ALDH7A1: variants seen among roughly 807,000 people sequenced by gnomAD.
ALDH7A1 encodes the protein alpha-aminoadipic semialdehyde dehydrogenase.
A neutral mutation model predicts 79.9 loss-of-function variants in ALDH7A1; 63 were observed. The ratio of observed to expected loss-of-function variants is 0.79; its 90% confidence interval spans 0.64 to 0.97. ALDH7A1 has a LOEUF of 0.97. ALDH7A1 is among the 50% of genes least tolerant of loss of function. ALDH7A1 has a pLI of 0.00. For synonymous variants in ALDH7A1, 240 were observed against 231.2 expected, an observed-to-expected ratio of 1.04 and a Z score of -0.34; for missense variants, 627 against 665.2, an observed-to-expected ratio of 0.94 and a Z score of 0.63.
chr5:126,564,032 C>T (rs898435627), intron 9 of ALDH7A1, among the ~76,000 whole-genome samples: 1 of 152,160 alleles, frequency 6.6e-6, no homozygotes, highest in Admixed American at 6.5e-5. Context: ...AGCGATCCAC[C>T]CACCTTGACC....
intron 6 of ALDH7A1, among the ~76,000 whole-genome samples, chr5:126,576,161 G>T (rs1033753871): frequency 6.6e-5 from 10 of 151,740 alleles, no homozygotes; most frequent in Admixed American, 3.3e-4. Context: ...TACTCGGGAG[G>T]CTGAGGCAGG....
At chr5:126,584,659 C>CAAAAA (rs35736560) in intron 3 of ALDH7A1, among the ~76,000 whole-genome samples, 1 of 62,236 alleles carries the variant, frequency 1.6e-5, no homozygotes, top group African/African-American at 6.1e-5. Flanking sequence ...CACTCCATCT[C>CAAAAA]AAAAAAAAAA....
At chr5:126,549,132 T>C (rs1749903818) in intron 16 of ALDH7A1, among the ~76,000 whole-genome samples, 1 of 141,808 alleles carries the variant, frequency 7.1e-6, no homozygotes, top group African/African-American at 2.6e-5. Context: ...CAGGCATGGG[T>C]TGGAAACAGG....
chr5:126,582,627 C>T lies in ALDH7A1; in HGVS notation c.517+224G>A, dbSNP rs74323138. ...ACAGATGAGTTAAAAGTGTCTTACC[C>T]GTGGACTTGCCAACATTAAGTTTTA... On this transcript the variant is annotated intron_variant, in intron 5 of 17. Coordinates refer to ENST00000409134, the MANE Select transcript of ALDH7A1 (RefSeq NM_001182.5). Among the ~76,000 whole-genome samples the T allele has an allele frequency of 0.02, 3,046 of 152,200 alleles. 95 individuals carry two copies. Among genetic ancestry groups the T allele is most frequent in the African/African-American group, 0.06 (2,499 of 41,508 alleles).
rs1751226209 is a variant in ALDH7A1, at chr5:126,582,954, T to C, written c.414A>G (p.Lys138=). 4 of 1,613,836 alleles carry C rather than the reference T, an allele frequency of 2.5e-6. No homozygotes were observed. Among genetic ancestry groups the C allele is most frequent in the Non-Finnish European group, 3.4e-6 (4 of 1,179,974 alleles). ...LGSLVSLEMG[K]ILVEGVGEVQ... ...CTTCACCCACACCTTCCACTAAGAT[T>C]TTCCCCATCTCCAAAGACACCTAGA... The change falls in exon 5 of 18, where the codon AAA becomes AAG. Residue 138 remains lysine, a synonymous_variant. Coordinates refer to ENST00000409134, the MANE Select transcript of ALDH7A1 (RefSeq NM_001182.5).
Position 126,559,513 on chromosome 5 carries a change from G to T in ALDH7A1, c.914-179C>A, listed in dbSNP as rs916371506. ...TGCAATGGCACGATCTCGGCTCACT[G>T]CAACCTTTGCCTCCCGGGTTCAAGA... On this transcript the variant is annotated intron_variant, in intron 10 of 17. Coordinates refer to ENST00000409134, the MANE Select transcript of ALDH7A1 (RefSeq NM_001182.5). Among the ~76,000 whole-genome samples, 5 of 143,234 alleles carry T rather than the reference G, an allele frequency of 3.5e-5. No homozygotes were observed. In the South Asian group the frequency reaches 6.5e-4, roughly 19 times the overall value. The allele number at this position is 143,234 out of a possible 152,430, so 94.0% of individuals were successfully genotyped here.
chr5:126,577,254 T>C, intron 5 of ALDH7A1, 43 bp from the exon 6 acceptor site: 1 of 1,611,146 alleles, frequency 6.2e-7, no homozygotes, highest in Non-Finnish European at 8.5e-7. Flanking sequence ...GCATGTTAAT[T>C]TAATGCCCAT....
intron 16 of ALDH7A1, among the ~76,000 whole-genome samples, chr5:126,548,261 A>C (rs939377454): frequency 1.3e-5 from 2 of 152,084 alleles, no homozygotes; most frequent in Non-Finnish European, 2.9e-5. Flanking sequence ...CGAGCCTTGC[A>C]CCTCAGACTC....
intron 12 of ALDH7A1, 40 bp downstream of exon 12, chr5:126,555,891 T>A (rs1750177448): frequency 6.6e-7 from 1 of 1,506,288 alleles, no homozygotes; most frequent in African/African-American, 1.4e-5. Flanking sequence ...ACAACAGCTC[T>A]CAAAAAGGGA....
intron 9 of ALDH7A1, chr5:126,561,756 G>C (rs984494176): frequency 6.6e-6 from 1 of 152,132 alleles, no homozygotes; most frequent in Non-Finnish European, 1.5e-5. Flanking sequence ...AGCCACTGTA[G>C]AAAACAGTAT....
At position 126,544,757 on chromosome 5, in the gene ALDH7A1, A is replaced by AT. The variant is rs1014306235; in HGVS notation, c.*207_*208insA. ...TAAAAATCCACCTAACTCATCTTTT[A>AT]GTAACTATGGCTATGTTGTAACAAT... is the stretch of plus-strand genomic sequence containing the variant. On this transcript the variant is annotated 3_prime_UTR_variant, in exon 18 of 18. Transcript: ENST00000409134. 4.3e-5 allele frequency: 24 copies of AT among 564,332 alleles called. No individual in the cohort carries two copies. The highest frequency in any genetic ancestry group is 3.8e-4 in the African/African-American group (20 of 53,092). 35.0% of individuals were successfully genotyped at this position (564,332 alleles called of 1,614,324 possible).
At chr5:126,584,110 A>G (rs188079844) in intron 3 of ALDH7A1, 98 bp from the exon 4 acceptor site, 3 of 1,050,844 alleles carry the variant, frequency 2.9e-6, no homozygotes, top group Admixed American at 1.8e-5. Context: ...AATTACAATC[A>G]TATCAAAGAA....
At position 126,561,123 on chromosome 5, in the gene ALDH7A1, C is replaced by A. The variant is rs939560417; in HGVS notation, c.873G>T (p.Gly291=). 8.7e-6 allele frequency: 14 copies of A among 1,609,972 alleles called. No homozygotes were observed. The African/African-American group carries it at 1.6e-4, about 18-fold the overall frequency. The change falls in exon 10 of 18, where the codon GGG becomes GGT. Residue 291 remains glycine, a splice_region_variant and synonymous_variant. Transcript: ENST00000409134. ...TTCCTCCAAGTTCCAACAGACTTCT[C>A]CCTTAAAAGAAAAAAATTATATATA... The part of the protein sequence containing the change: ...QVGLMVQERF[G]RSLLELGGNN...
intron 9 of ALDH7A1, among the ~76,000 whole-genome samples, chr5:126,566,911 TA>T (rs1254177118): frequency 6.6e-6 from 1 of 152,206 alleles, no homozygotes; most frequent in Admixed American, 6.5e-5. Flanking sequence ...TTGATAAGTG[TA>T]AAAAGTAAAG....
chr5:126,573,433 C>T (rs888247359), intron 7 of ALDH7A1, among the ~76,000 whole-genome samples: 1 of 152,076 alleles, frequency 6.6e-6, no homozygotes, highest in Non-Finnish European at 1.5e-5. Context: ...GGCACGGTGG[C>T]TCACACCTGT....
At chr5:126,570,014 A>G (rs1390910440) in intron 8 of ALDH7A1, 1 of 152,304 alleles carries the variant, frequency 6.6e-6, no homozygotes, top group Non-Finnish European at 1.5e-5. Flanking sequence ...TGTCATCTTA[A>G]TATCATGCCA....
At chr5:126,554,541 C>A (rs1396309997) in intron 12 of ALDH7A1, 148 bp from the exon 13 acceptor site, 2 of 709,344 alleles carry the variant, frequency 2.8e-6, no homozygotes, top group South Asian at 1.5e-5. Context: ...CCATAAAGAA[C>A]CAGATGGTAA....
intron 5 of ALDH7A1, among the ~76,000 whole-genome samples, chr5:126,580,611 T>C (rs1156852815): frequency 6.6e-6 from 1 of 152,172 alleles, no homozygotes; most frequent in African/African-American, 2.4e-5. Context: ...AAATATTATT[T>C]CCTTATTATA....
At chr5:126,551,539 T>G (rs528820138) in intron 14 of ALDH7A1, among the ~76,000 whole-genome samples, 2 of 152,076 alleles carry the variant, frequency 1.3e-5, no homozygotes, top group Non-Finnish European at 2.9e-5. Context: ...GCCAGGCTGG[T>G]CTCGAACTCC....
Sources: allele counts gnomAD v4.1 joint callset (sites outside exome capture counted in the v4.1 genomes callset), GRCh38; gene constraint gnomAD v4.1.1; transcripts MANE v1.5; gene names NCBI Gene and HGNC (gene_info 2026-07-23, HGNC 2026-07-21).